The following WDR72 variants were observed in gnomAD, a reference collection of about 807,000 sequenced individuals.
The protein encoded by WDR72 is WD repeat domain 72.
A neutral mutation model predicts 124.2 loss-of-function variants in WDR72; 120 were observed. That is an observed-to-expected ratio of 0.97 (90% CI 0.83 to 1.12). The LOEUF (loss-of-function observed/expected upper bound fraction) is 1.12, where lower values mean the gene tolerates loss of function less well. Ranked by LOEUF, WDR72 falls within the 50% of genes most tolerant of loss-of-function variation. The probability of loss-of-function intolerance (pLI) is 0.00; values close to 1 mark genes in which losing one functional copy is unlikely to be tolerated. For missense variants in WDR72, 1,387 were observed against 1,278.8 expected (o/e 1.08, Z -1.29); for synonymous variants, 452 against 441.7 (o/e 1.02, Z -0.29).
chr15:53,739,486 GT>G, intron 1 of WDR72, among the ~76,000 whole-genome samples: 1 of 152,308 alleles, frequency 6.6e-6, no homozygotes, highest in South Asian at 2.1e-4. Flanking sequence ...GAAACTAGCA[GT>G]TTTAACTATT....
chr15:53,725,424 T>C (rs1053042175), intron 2 of WDR72, among the ~76,000 whole-genome samples: 3 of 152,172 alleles, frequency 2.0e-5, no homozygotes, highest in Non-Finnish European at 4.4e-5. Flanking sequence ...AACATATTCT[T>C]ACCATACAAC....
chr15:53,548,295 G>A (rs8039328), intron 18 of WDR72, among the ~76,000 whole-genome samples: 150,077 of 152,294 alleles, frequency 0.99, 73,974 homozygotes, highest in Middle Eastern at 1. Context: ...AGACTTCTTA[G>A]GTAGAAGAGA....
intron 18 of WDR72, among the ~76,000 whole-genome samples, chr15:53,585,137 T>G: frequency 6.6e-6 from 1 of 152,018 alleles, no homozygotes; most frequent in East Asian, 1.9e-4. Flanking sequence ...ATTTTCACAC[T>G]GCTATAAAGA....
intron 14 of WDR72, among the ~76,000 whole-genome samples, chr15:53,647,271 A>G (rs960596538): frequency 6.6e-6 from 1 of 152,134 alleles, no homozygotes; most frequent in Non-Finnish European, 1.5e-5. Context: ...ATAAATTTTT[A>G]AAAAGTAAGA....
intron 1 of WDR72, among the ~76,000 whole-genome samples, chr15:53,746,734 T>G (rs2018652988): frequency 6.6e-6 from 1 of 152,032 alleles, no homozygotes; most frequent in African/African-American, 2.4e-5. Context: ...CAGGAGGGAG[T>G]TTTGCTTTTA....
intron 13 of WDR72, among the ~76,000 whole-genome samples, chr15:53,670,717 G>A (rs552775790): frequency 6.6e-6 from 1 of 152,318 alleles, no homozygotes; most frequent in African/African-American, 2.4e-5. Flanking sequence ...ACATCATGGA[G>A]TTACTTGAGG....
At chr15:53,639,484 A>G (rs2014752858) in intron 14 of WDR72, among the ~76,000 whole-genome samples, 1 of 145,834 alleles carries the variant, frequency 6.9e-6, no homozygotes, top group African/African-American at 2.5e-5. Context: ...AAAATTTTAT[A>G]TAATTTTATT....
intron 14 of WDR72, among the ~76,000 whole-genome samples, chr15:53,643,106 A>C (rs2014913284): frequency 6.6e-6 from 1 of 151,998 alleles, no homozygotes; most frequent in Non-Finnish European, 1.5e-5. Context: ...AAAAAGCGAA[A>C]GAATTCTTCA....
chr15:53,719,401 C>T (rs1415302633), intron 3 of WDR72, among the ~76,000 whole-genome samples: 1 of 152,114 alleles, frequency 6.6e-6, no homozygotes, highest in African/African-American at 2.4e-5. Flanking sequence ...AAGTTATCTA[C>T]TCCCCTGGCT....
At chr15:53,596,719 C>T (rs1212249998) in intron 18 of WDR72, among the ~76,000 whole-genome samples, 1 of 152,048 alleles carries the variant, frequency 6.6e-6, no homozygotes, top group African/African-American at 2.4e-5. Flanking sequence ...TCTAGAAGTC[C>T]TTCAAACATT....
chr15:53,749,156 C>T (rs988646972), intron 1 of WDR72, among the ~76,000 whole-genome samples: 4 of 152,142 alleles, frequency 2.6e-5, no homozygotes, highest in Non-Finnish European at 5.9e-5. Flanking sequence ...TTTTATTGTA[C>T]TTCTCAGATA....
intron 1 of WDR72, among the ~76,000 whole-genome samples, chr15:53,736,470 G>A (rs998049603): frequency 3.9e-5 from 6 of 152,224 alleles, no homozygotes; most frequent in African/African-American, 1.4e-4. Context: ...TCAACAAGGA[G>A]TGTCATGAGC....
intron 1 of WDR72, among the ~76,000 whole-genome samples, chr15:53,738,852 C>T (rs112868811): frequency 0.059 from 9,019 of 152,212 alleles, 924 homozygotes; most frequent in African/African-American, 0.21. Flanking sequence ...GGTGATCTGC[C>T]CACCATGGCC....
chr15:53,567,199 G>A (rs1423625884), intron 18 of WDR72, among the ~76,000 whole-genome samples: 1 of 151,960 alleles, frequency 6.6e-6, no homozygotes, highest in Non-Finnish European at 1.5e-5. Flanking sequence ...AATCAGTCTT[G>A]TTATATTTTC....
chr15:53,679,784 C>T (rs1327543451), intron 13 of WDR72, among the ~76,000 whole-genome samples: 4 of 152,144 alleles, frequency 2.6e-5, no homozygotes, highest in South Asian at 2.1e-4. Context: ...ATAATAGAAG[C>T]CCACAATTCC....
intron 18 of WDR72, among the ~76,000 whole-genome samples, chr15:53,575,891 T>C (rs1894737396): frequency 6.6e-6 from 1 of 152,168 alleles, no homozygotes; most frequent in South Asian, 2.1e-4. Flanking sequence ...AGGGTAGAAC[T>C]GGCAGTCAAC....
At chr15:53,593,396 T>G (rs970062856) in intron 18 of WDR72, among the ~76,000 whole-genome samples, 2 of 152,114 alleles carry the variant, frequency 1.3e-5, no homozygotes, top group Non-Finnish European at 2.9e-5. Context: ...TTAGTAATTT[T>G]GTGTCTGTAG....
intron 18 of WDR72, among the ~76,000 whole-genome samples, chr15:53,532,359 C>T (rs1229980648): frequency 4.6e-5 from 7 of 152,054 alleles, no homozygotes; most frequent in Non-Finnish European, 1.0e-4. Context: ...TATTGTAGCA[C>T]TATTCATGAA....
chr15:53,623,792 C>T (rs2014100396), intron 14 of WDR72, among the ~76,000 whole-genome samples: 1 of 152,158 alleles, frequency 6.6e-6, no homozygotes, highest in Admixed American at 6.5e-5. Context: ...TACATTCCCA[C>T]TTACAAATAT....
Sources: allele counts gnomAD v4.1 joint callset (sites outside exome capture counted in the v4.1 genomes callset), GRCh38; gene constraint gnomAD v4.1.1; transcripts MANE v1.5; gene names NCBI Gene and HGNC (gene_info 2026-07-23, HGNC 2026-07-21).